Variants in KLHL14 observed in about 807,000 individuals in gnomAD.
KLHL14 encodes kelch like family member 14.
A neutral mutation model predicts 64.3 loss-of-function variants in KLHL14; 22 were observed. That is an observed-to-expected ratio of 0.34 (90% CI 0.24 to 0.49). The LOEUF (loss-of-function observed/expected upper bound fraction) is 0.49. KLHL14 is among the 20% of genes least tolerant of loss of function. The probability of loss-of-function intolerance (pLI) is 0.99; values close to 1 mark genes in which losing one functional copy is unlikely to be tolerated. For missense variants in KLHL14, 661 were observed against 789.0 expected, an observed-to-expected ratio of 0.84 and a Z score of 1.94; for synonymous variants, 322 against 333.4, an observed-to-expected ratio of 0.97 and a Z score of 0.37.
Position 32,741,809 on chromosome 18 carries a change from C to T in KLHL14, c.1069+119G>A, listed in dbSNP as rs553656834. 86 of 1,226,510 alleles carry T rather than the reference C, an allele frequency of 7.0e-5. No homozygotes were observed. The African/African-American group carries it at 1.3e-3, about 18-fold the overall frequency. The allele number at this position is 1,226,510 out of a possible 1,614,324, so 76.0% of individuals were successfully genotyped here. A position where few individuals can be genotyped will look rare whatever the true frequency, so the allele number is the denominator to read the frequency against. On this transcript the variant is annotated intron_variant, in intron 3 of 8. Coordinates refer to ENST00000359358, the MANE Select transcript of KLHL14 (RefSeq NM_020805.3). ...TCCCCGGTGATACATAAACAAACCT[C>T]CAAAGGGGAACAAATCAATAAAATG...
At chr18:32,760,925 C>A (rs1473570069) in intron 2 of KLHL14, among the ~76,000 whole-genome samples, 3 of 152,178 alleles carry the variant, frequency 2.0e-5, no homozygotes, top group Non-Finnish European at 4.4e-5. Context: ...TTCCCTCCAA[C>A]TTCATTCCTC....
At chr18:32,761,304 G>GT (rs1220179212) in intron 2 of KLHL14, among the ~76,000 whole-genome samples, 1 of 150,914 alleles carries the variant, frequency 6.6e-6, no homozygotes, top group Non-Finnish European at 1.5e-5. Context: ...ATTTTAAAAT[G>GT]TATCTATGCA....
chr18:32,718,221 A>G (rs1279380007), intron 3 of KLHL14, among the ~76,000 whole-genome samples: 2 of 152,210 alleles, frequency 1.3e-5, no homozygotes, highest in Non-Finnish European at 2.9e-5. Flanking sequence ...CCCACTGACT[A>G]TAGAATAGTA....
chr18:32,677,304 C>T lies in KLHL14; in HGVS notation c.1615G>A (p.Val539Met), dbSNP rs765954273. The change falls in exon 8 of 9, where the codon GTG (valine) becomes ATG (methionine). Residue 539 changes from valine to methionine, a missense_variant. Coordinates refer to ENST00000359358, the MANE Select transcript of KLHL14 (RefSeq NM_020805.3). The stretch of plus-strand genomic sequence containing the variant: ...TCACCTTTTGGGTCATAGCATTCCA[C>T]AAGCATTACATCAAGGTGGGAGAAA... ...KGFSHLDVML[V>M]ECYDPKGDQW... 1.1e-5 allele frequency: 17 copies of T among 1,613,012 alleles called. No individual in the cohort carries two copies. The highest frequency in any genetic ancestry group is 4.5e-5 in the East Asian group (2 of 44,830).
rs569278999 is a variant in KLHL14, at chr18:32,716,563, C to T, written c.1070-21011G>A. ...CTGAGTAGCTGGGATTGTAGGCACA[C>T]GCCACCACGCCCAGCTAATTTTTTT... On this transcript the variant is annotated intron_variant, in intron 3 of 8. Transcript: ENST00000359358. Among the ~76,000 whole-genome samples the T allele has an allele frequency of 1.1e-3, 175 of 152,200 alleles. 1 individual carries two copies. The highest frequency in any genetic ancestry group is 3.9e-3 in the African/African-American group (162 of 41,540).
intron 4 of KLHL14, among the ~76,000 whole-genome samples, chr18:32,694,747 C>T (rs2049928723): frequency 6.6e-6 from 1 of 152,186 alleles, no homozygotes; most frequent in Non-Finnish European, 1.5e-5. Context: ...TATGGTTTCT[C>T]AGTCACAATT....
At chr18:32,713,202 GA>G (rs1194813526) in intron 3 of KLHL14, among the ~76,000 whole-genome samples, 2 of 152,112 alleles carry the variant, frequency 1.3e-5, no homozygotes, top group South Asian at 4.1e-4. Context: ...CCTCCTTACA[GA>G]AAAAGTTAAT....
chr18:32,709,968 A>C (rs942069701), intron 3 of KLHL14, among the ~76,000 whole-genome samples: 3 of 152,200 alleles, frequency 2.0e-5, no homozygotes, highest in African/African-American at 7.2e-5. Flanking sequence ...AGTATTACAG[A>C]TTTATGTACA....
At chr18:32,749,598 T>A (rs1489426934) in intron 2 of KLHL14, among the ~76,000 whole-genome samples, 2 of 152,324 alleles carry the variant, frequency 1.3e-5, no homozygotes, top group South Asian at 2.1e-4. Context: ...TGTCTCTGCA[T>A]ACTGAAGGGG....
chr18:32,715,685 C>T (rs906025921), intron 3 of KLHL14, among the ~76,000 whole-genome samples: 1 of 152,222 alleles, frequency 6.6e-6, no homozygotes. Context: ...TATTTAAATA[C>T]GGGTGATCTT....
At chr18:32,714,027 T>C (rs2050032928) in intron 3 of KLHL14, among the ~76,000 whole-genome samples, 1 of 150,888 alleles carries the variant, frequency 6.6e-6, no homozygotes, top group Non-Finnish European at 1.5e-5. Context: ...AGTGATATAC[T>C]AATATTTGTT....
chr18:32,717,323 G>T (rs2050051089), intron 3 of KLHL14, among the ~76,000 whole-genome samples: 2 of 152,206 alleles, frequency 1.3e-5, no homozygotes, highest in Admixed American at 6.5e-5. Context: ...CCTCATGGTT[G>T]CTTGAAATTT....
intron 3 of KLHL14, among the ~76,000 whole-genome samples, chr18:32,705,869 C>A (rs2049987684): frequency 6.6e-6 from 1 of 152,216 alleles, no homozygotes; most frequent in Non-Finnish European, 1.5e-5. Flanking sequence ...GCCTGCTCTA[C>A]CTACTCAAGT....
Position 32,766,263 on chromosome 18 carries a change from T to C in KLHL14, c.947+3382A>G, listed in dbSNP as rs189751361. Among the ~76,000 whole-genome samples the C allele has an allele frequency of 5.2e-4, 79 of 152,248 alleles. No homozygotes were observed. The East Asian group carries it at 0.014, about 27-fold the overall frequency. On this transcript the variant is annotated intron_variant, in intron 2 of 8. Transcript: ENST00000359358. ...TTTATTTGGGATAATTGCTAAATTA[T>C]ACATTAAAATTTCAAACTGTAAATA... is the stretch of plus-strand genomic sequence containing the variant.
intron 3 of KLHL14, among the ~76,000 whole-genome samples, chr18:32,712,182 A>G (rs1266990827): frequency 2.0e-5 from 3 of 152,174 alleles, no homozygotes; most frequent in Non-Finnish European, 4.4e-5. Flanking sequence ...TGCAAAGTCT[A>G]AAATATTTAC....
chr18:32,709,455 T>A (rs1000448575), intron 3 of KLHL14, among the ~76,000 whole-genome samples: 3 of 151,982 alleles, frequency 2.0e-5, no homozygotes, highest in Non-Finnish European at 4.4e-5. Flanking sequence ...TTTAGAATTT[T>A]TTTTTTTTTA....
chr18:32,690,741 CAAAAT>C (rs1189418913), intron 4 of KLHL14, among the ~76,000 whole-genome samples: 1 of 151,960 alleles, frequency 6.6e-6, no homozygotes, highest in African/African-American at 2.4e-5. Flanking sequence ...CAAAACAAAA[CAAAAT>C]AAAACAGCGC....
chr18:32,718,480 G>T (rs1013378948), intron 3 of KLHL14, among the ~76,000 whole-genome samples: 1 of 152,184 alleles, frequency 6.6e-6, no homozygotes, highest in African/African-American at 2.4e-5. Context: ...AGCTGGAAGA[G>T]TCAAGGTTCT....
intron 1 of KLHL14, among the ~76,000 whole-genome samples, chr18:32,771,597 G>C (rs1371811734): frequency 1.3e-5 from 2 of 152,084 alleles, no homozygotes; most frequent in Non-Finnish European, 2.9e-5. Context: ...TCCAGCGAGG[G>C]GCGGCACCGA....
Sources: allele counts gnomAD v4.1 joint callset (sites outside exome capture counted in the v4.1 genomes callset), GRCh38; gene constraint gnomAD v4.1.1; transcripts MANE v1.5; gene names NCBI Gene and HGNC (gene_info 2026-07-23, HGNC 2026-07-21).